ABCA3: variants seen among roughly 807,000 people sequenced by gnomAD.
ABCA3 encodes the protein ATP binding cassette subfamily A member 3.
In ABCA3, 88 loss-of-function variants were observed where a neutral mutation model predicts 172.8. That is an observed-to-expected ratio of 0.51 (90% CI 0.43 to 0.61). The LOEUF (loss-of-function observed/expected upper bound fraction) is 0.61. Among genes scored for constraint, ABCA3 ranks in the 20% least tolerant of loss-of-function variants. The pLI is 0.00. For synonymous variants in ABCA3, 1,066 were observed against 983.8 expected (o/e 1.08, Z -1.56); for missense variants, 2,164 against 2,301.0 (o/e 0.94, Z 1.22).
intron 1 of ABCA3, chr16:2,332,554 T>C: frequency 8.7e-7 from 1 of 1,147,450 alleles, no homozygotes; most frequent in South Asian, 1.3e-5. Flanking sequence ...GACACGAATG[T>C]CCACACCAGC....
intron 11 of ABCA3, among the ~76,000 whole-genome samples, chr16:2,305,819 C>T (rs2093696808): frequency 6.6e-6 from 1 of 152,178 alleles, no homozygotes; most frequent in South Asian, 2.1e-4. Context: ...AAGCCTTCCT[C>T]CTGCCTCGGC....
chr16:2,290,501 T>C (rs2093670404), intron 19 of ABCA3, among the ~76,000 whole-genome samples: 1 of 152,150 alleles, frequency 6.6e-6, no homozygotes, highest in Admixed American at 6.6e-5. Context: ...GCCTGAGACC[T>C]TGAGAGACAA....
Position 2,281,112 on chromosome 16 carries a change from G to A in ABCA3, c.4274C>T (p.Thr1425Ile), listed in dbSNP as rs773955508. ...LGFNGAGKTT[T>I]FKMLTGEESL... ...CTCCTCCCCGGTCAGCATTTTGAAA[G>A]TCGTGGTCTTCCCGGCTCCATTGAA... The change falls in exon 28 of 33, where the codon ACT (threonine) becomes ATT (isoleucine). Residue 1425 changes from threonine to isoleucine, a missense_variant. Transcript: ENST00000301732. This position sits in a 1 kb window ranked among gnomAD's most constrained non-coding sequence, Gnocchi z 4.7. The A allele has an allele frequency of 5.0e-6, 8 of 1,613,964 alleles. No homozygotes were observed. The East Asian group carries it at 1.3e-4, about 27-fold the overall frequency.
At chr16:2,315,181 T>A (rs1324772452) in intron 10 of ABCA3, among the ~76,000 whole-genome samples, 1 of 147,842 alleles carries the variant, frequency 6.8e-6, no homozygotes, top group Non-Finnish European at 1.5e-5. Flanking sequence ...TGGTGCCCGG[T>A]CATAAATTGT....
At chr16:2,307,719 C>T (rs930089123) in intron 11 of ABCA3, among the ~76,000 whole-genome samples, 6 of 152,186 alleles carry the variant, frequency 3.9e-5, no homozygotes, top group South Asian at 2.1e-4. Flanking sequence ...CATTCTCCTG[C>T]CTCAGCCTCT....
rs774979813 is a variant in ABCA3, at chr16:2,299,473, G to A, written c.1671C>T (p.Tyr557=). 1.6e-5 allele frequency: 26 copies of A among 1,613,828 alleles called. No individual in the cohort carries two copies. The highest frequency in any genetic ancestry group is 4.4e-5 in the South Asian group (4 of 91,076). ...CCAGCAGGACGGTGATCTGTCCCTC[G>A]TACAGGTTGAGGTTCAGGTCTCTGA... ...AAVRDLNLNL[Y]EGQITVLLGH... is the part of the protein sequence containing the mutation. The change falls in exon 14 of 33, where the codon TAC becomes TAT. Residue 557 remains tyrosine (Y), a synonymous_variant. Coordinates refer to ENST00000301732, the MANE Select transcript of ABCA3 (RefSeq NM_001089.3).
chr16:2,279,192 GA>G lies in ABCA3; in HGVS notation c.4360-63del. 1 of 1,577,592 alleles carries G rather than the reference GA, an allele frequency of 6.3e-7. No individual in the cohort carries two copies. ...GGAGGGAAGCCTCCTTCCTCCAGAG[GA>G]CCACGGGGACTACCCTTGAGGTGCC... On this transcript the variant is annotated intron_variant, in intron 28 of 32. Coordinates refer to ENST00000301732, the MANE Select transcript of ABCA3 (RefSeq NM_001089.3). The surrounding 1 kb of genome is among the most constrained non-coding windows in gnomAD (Gnocchi z 4.4).
chr16:2,291,401 C>T (rs370848572), intron 19 of ABCA3, among the ~76,000 whole-genome samples: 2 of 152,056 alleles, frequency 1.3e-5, no homozygotes, highest in African/African-American at 2.4e-5. Flanking sequence ...TCGCCTGCCT[C>T]GGCCTCCCAA....
Position 2,297,974 on chromosome 16 carries a change from C to G in ABCA3, c.1897-53G>C. On this transcript the variant is annotated intron_variant, in intron 15 of 32. Coordinates refer to ENST00000301732, the MANE Select transcript of ABCA3 (RefSeq NM_001089.3). This position sits in a 1 kb window ranked among gnomAD's most constrained non-coding sequence, Gnocchi z 5.6. ...GCAGGGCTCCTGGCGGGAGGCCGAC[C>G]CTGGCCAGCGAGGTTCTGGTGAGAG... The G allele has an allele frequency of 1.9e-6, 3 of 1,607,844 alleles. No individual in the cohort carries two copies. The highest frequency in any genetic ancestry group is 2.5e-6 in the Non-Finnish European group (3 of 1,177,860).
chr16:2,319,861 T>A, intron 7 of ABCA3, 21 bp from the exon 8 acceptor site: 2 of 1,612,878 alleles, frequency 1.2e-6, no homozygotes, highest in Non-Finnish European at 1.7e-6. Context: ...GAGCAGAGGA[T>A]GGCCCAGCCA....
chr16:2,285,429 C>T lies in ABCA3; in HGVS notation c.3483+13G>A, dbSNP rs767709908. On this transcript the variant is annotated intron_variant, in intron 23 of 32. Transcript: ENST00000301732. This position sits in a 1 kb window ranked among gnomAD's most constrained non-coding sequence, Gnocchi z 4.7. ...TCTGCAGGGGAACGGATCCAGCACC[C>T]TCCGGCGCTCACCAGCAGCAGCAGA... The T allele has an allele frequency of 8.1e-6, 13 of 1,600,686 alleles. No individual in the cohort carries two copies. Among genetic ancestry groups the T allele is most frequent in the African/African-American group, 1.3e-5 (1 of 74,860 alleles).
chr16:2,304,033 CA>C lies in ABCA3; in HGVS notation c.1402del (p.Trp468GlyfsTer85), dbSNP rs2093693701. 2 of 1,614,078 alleles carry C rather than the reference CA, an allele frequency of 1.2e-6. No homozygotes were observed. The highest frequency in any genetic ancestry group is 1.7e-6 in the Non-Finnish European group (2 of 1,180,046). ...LDSVLYGLVT[W>X]YMEAVFPGQF... is the part of the protein sequence containing the mutation. ...CCCTGGGAAGACGGCCTCCATGTAC[CA>C]GGTCACCAGGCCATAGAGCACAGAG... On this transcript the variant is annotated frameshift_variant, in exon 12 of 33. Transcript: ENST00000301732. LOFTEE classifies it high-confidence loss of function.
chr16:2,324,812 G>A (rs1469169211), intron 5 of ABCA3, among the ~76,000 whole-genome samples: 4 of 152,128 alleles, frequency 2.6e-5, no homozygotes, highest in African/African-American at 9.7e-5. Flanking sequence ...AGGCCCAGGG[G>A]AGCAAACCCA....
chr16:2,316,331 GAAAAGA>G (rs2093715508), intron 10 of ABCA3, among the ~76,000 whole-genome samples: 1 of 96,316 alleles, frequency 1.0e-5, no homozygotes, highest in African/African-American at 4.2e-5. Flanking sequence ...AAAGAAAAAA[GAAAAGA>G]AAAAAAGAAA....
intron 1 of ABCA3, among the ~76,000 whole-genome samples, chr16:2,338,751 C>CTTTTTTT (rs34719364): frequency 8.2e-6 from 1 of 121,602 alleles, no homozygotes; most frequent in Non-Finnish European, 1.7e-5. Flanking sequence ...TCCAATTCAT[C>CTTTTTTT]TTTTTTTTTT....
rs56188451 is a variant in ABCA3 at position 2,287,288 on chromosome 16, C to CT, written c.3005-322dup. On this transcript the variant is annotated intron_variant, in intron 21 of 32. Transcript: ENST00000301732. The surrounding 1 kb of genome is among the most constrained non-coding windows in gnomAD (Gnocchi z 4.1). ...CCAACTATGACTACCAAGACTCTTT[C>CT]TTTTTTTTTTTGAGACAGTCTTGCT... Among the ~76,000 whole-genome samples the CT allele has an allele frequency of 6.8e-4, 101 of 147,488 alleles. No individual in the cohort carries two copies. The highest frequency in any genetic ancestry group is 5.5e-3 in the East Asian group (28 of 5,078).
chr16:2,311,861 T>C (rs538680410), intron 10 of ABCA3, among the ~76,000 whole-genome samples: 2 of 152,242 alleles, frequency 1.3e-5, no homozygotes, highest in Admixed American at 6.5e-5. Context: ...TTCACCATGT[T>C]GTCCAGGCTG....
At position 2,333,607 on chromosome 16, in the gene ABCA3, G is replaced by A. The variant is rs559147189; in HGVS notation, c.-538-3753C>T. On this transcript the variant is annotated intron_variant, in intron 1 of 32. Coordinates refer to ENST00000301732, the MANE Select transcript of ABCA3 (RefSeq NM_001089.3). ...GGGTATACAAGACAAAAAAGCATTTGTTCATTCAACAATTGCCAAGTTTTT... is the reference window on the plus strand; with the variant it reads ...GGGTATACAAGACAAAAAAGCATTTATTCATTCAACAATTGCCAAGTTTTT... Among the ~76,000 whole-genome samples, 3 of 151,946 alleles carry A rather than the reference G, an allele frequency of 2.0e-5. No individual in the cohort carries two copies. The South Asian group carries it at 6.2e-4, about 32-fold the overall frequency.
chr16:2,339,430 A>C (rs2093756995), intron 1 of ABCA3: 1 of 152,256 alleles, frequency 6.6e-6, no homozygotes, highest in African/African-American at 2.4e-5. Flanking sequence ...GTTAAAAATG[A>C]AAGTGTGGGG....
Sources: allele counts gnomAD v4.1 joint callset (sites outside exome capture counted in the v4.1 genomes callset), GRCh38; gene constraint gnomAD v4.1.1; non-coding constraint Gnocchi (gnomAD v3.1); transcripts MANE v1.5; gene names NCBI Gene and HGNC (gene_info 2026-07-23, HGNC 2026-07-21).